Variants in BCL7C observed in about 807,000 individuals in gnomAD.
The protein encoded by BCL7C is B-cell CLL/lymphoma 7 protein family member C.
In BCL7C, 8 loss-of-function variants were observed where a neutral mutation model predicts 26.2. The ratio of observed to expected loss-of-function variants is 0.30; its 90% CI spans 0.18 to 0.55. The LOEUF (loss-of-function observed/expected upper bound fraction) is 0.55. BCL7C is among the 20% of genes least tolerant of loss of function. The pLI, the probability that BCL7C is intolerant of heterozygous loss-of-function variation, is 0.93. For missense variants in BCL7C, 262 were observed against 298.5 expected, an observed-to-expected ratio of 0.88 and a Z score of 0.90; for synonymous variants, 90 against 116.5, an observed-to-expected ratio of 0.77 and a Z score of 1.47.
chr16:30,865,687 C>T (rs2054818906), intron 5 of BCL7C, among the ~76,000 whole-genome samples: 1 of 151,348 alleles, frequency 6.6e-6, no homozygotes, highest in South Asian at 2.1e-4. Flanking sequence ...ATCTGTATTT[C>T]CTGACATTTT....
intron 5 of BCL7C, among the ~76,000 whole-genome samples, chr16:30,874,786 A>T: frequency 6.6e-6 from 1 of 152,160 alleles, no homozygotes; most frequent in East Asian, 1.9e-4. Flanking sequence ...AAATCACCCC[A>T]GACTGTTTTT....
chr16:30,848,219 G>A (rs900098380), intron 5 of BCL7C, among the ~76,000 whole-genome samples: 18 of 152,292 alleles, frequency 1.2e-4, no homozygotes, highest in Admixed American at 1.0e-3. Context: ...GATAGACTGC[G>A]TTTATCATGT....
At chr16:30,836,201 C>A (rs142595527) in intron 5 of BCL7C, among the ~76,000 whole-genome samples, 1 of 152,288 alleles carries the variant, frequency 6.6e-6, no homozygotes, top group African/African-American at 2.4e-5. Context: ...TTTTAGTGAA[C>A]CAAGATCGCA....
At chr16:30,841,302 G>A (rs2054600391) in intron 5 of BCL7C, among the ~76,000 whole-genome samples, 1 of 152,156 alleles carries the variant, frequency 6.6e-6, no homozygotes, top group Admixed American at 6.5e-5. Context: ...ACCTCAGAAT[G>A]TGACTGTATT....
rs1018043981 is a variant in BCL7C at position 30,834,760 on chromosome 16, G to A, written c.*188C>T. On this transcript the variant is annotated 3_prime_UTR_variant, in exon 6 of 6. Coordinates refer to the BCL7C transcript ENST00000380317. This position sits in a 1 kb window ranked among gnomAD's most constrained non-coding sequence, Gnocchi z 4.3. ...TGCCCTAAGCCCTTCCCATGCATTC[G>A]GGCGCCAGTGGCGAGCCAGATGGGT... The A allele has an allele frequency of 2.7e-5, 15 of 563,002 alleles. No homozygotes were observed. In the East Asian group the frequency reaches 3.1e-4, roughly 12 times the overall value. The allele number at this position is 563,002 out of a possible 1,614,324, so 34.9% of individuals were successfully genotyped here. A position where few individuals can be genotyped will look rare whatever the true frequency, so the allele number is the denominator to read the frequency against.
chr16:30,868,711 G>A (rs1699801495), intron 5 of BCL7C, among the ~76,000 whole-genome samples: 1 of 151,848 alleles, frequency 6.6e-6, no homozygotes, highest in South Asian at 2.1e-4. Flanking sequence ...CTTGATCCTG[G>A]GAGGTGGAGG....
intron 5 of BCL7C, among the ~76,000 whole-genome samples, chr16:30,879,886 A>G (rs1181086085): frequency 6.6e-6 from 1 of 151,596 alleles, no homozygotes; most frequent in Non-Finnish European, 1.5e-5. Context: ...GCTACTTGGG[A>G]GGCTGAGGCA....
intron 5 of BCL7C, among the ~76,000 whole-genome samples, chr16:30,861,638 C>A (rs2054773617): frequency 6.6e-6 from 1 of 152,174 alleles, no homozygotes; most frequent in African/African-American, 2.4e-5. Context: ...AAGACTGATG[C>A]TGCCTGATTG....
At chr16:30,848,694 A>G (rs925272504) in intron 5 of BCL7C, among the ~76,000 whole-genome samples, 1 of 151,938 alleles carries the variant, frequency 6.6e-6, no homozygotes, top group Non-Finnish European at 1.5e-5. Flanking sequence ...GTTCAAGACC[A>G]GCCTGGCCAA....
At chr16:30,864,090 C>T (rs747372535) in intron 5 of BCL7C, among the ~76,000 whole-genome samples, 1 of 152,188 alleles carries the variant, frequency 6.6e-6, no homozygotes, top group East Asian at 1.9e-4. Flanking sequence ...CAAATAATTG[C>T]TGGTTTTGCA....
intron 5 of BCL7C, among the ~76,000 whole-genome samples, chr16:30,877,913 G>A (rs2054975124): frequency 6.6e-6 from 1 of 151,540 alleles, no homozygotes; most frequent in Non-Finnish European, 1.5e-5. Context: ...AGTGGCTGAT[G>A]CCTGTAATCT....
Position 30,893,839 on chromosome 16 carries a change from C to G in BCL7C, c.92+14G>C, listed in dbSNP as rs758090967. The G allele has an allele frequency of 6.3e-7, 1 of 1,597,110 alleles. No homozygotes were observed. Among genetic ancestry groups the G allele is most frequent in the Non-Finnish European group, 8.5e-7 (1 of 1,176,804 alleles). On this transcript the variant is annotated intron_variant, in intron 1 of 5. Coordinates refer to ENST00000215115, the MANE Select transcript of BCL7C (RefSeq NM_004765.4). This position sits in a 1 kb window ranked among gnomAD's most constrained non-coding sequence, Gnocchi z 5.2. ...CCCGCTGTGTCCCGTCCCTGGCCCC[C>G]GAGCAGCGCTCACCATCTCCGGACC... is the stretch of plus-strand genomic sequence containing the variant.
rs192481296 is a variant in BCL7C at position 30,835,482 on chromosome 16, T to C, written c.529-334A>G. Among the ~76,000 whole-genome samples, 230 of 152,302 alleles carry C rather than the reference T, an allele frequency of 1.5e-3. 2 individuals are homozygous for C. The highest frequency in any genetic ancestry group is 5.4e-3 in the African/African-American group (223 of 41,580). On this transcript the variant is annotated intron_variant, in intron 5 of 5. Transcript: ENST00000380317. ...AGGCAGCCTCAAATGATTCTGTCAGTGTGGTTGGTGCATCCACAGGCCATC... is the reference window on the plus strand; with the variant it reads ...AGGCAGCCTCAAATGATTCTGTCAGCGTGGTTGGTGCATCCACAGGCCATC...
chr16:30,861,455 G>C (rs1296005967), intron 5 of BCL7C, among the ~76,000 whole-genome samples: 3 of 152,148 alleles, frequency 2.0e-5, no homozygotes, highest in African/African-American at 7.2e-5. Flanking sequence ...CTGGCCACTG[G>C]GCCAAGGAAT....
chr16:30,893,927 T>C lies in BCL7C; in HGVS notation c.18A>G (p.Val6=), dbSNP rs1312966935. The change falls in exon 1 of 6, where the codon GTA becomes GTG. Residue 6 remains valine (V), a synonymous_variant. Coordinates refer to ENST00000215115, the MANE Select transcript of BCL7C (RefSeq NM_004765.4). The surrounding 1 kb of genome is among the most constrained non-coding windows in gnomAD (Gnocchi z 5.2). ...TGGCCCGGCTCCGGGTCTCGGCCCG[T>C]ACAGTCCGGCCGGCCATGCTGGCGG... MAGRT[V]RAETRSRAKD... is the part of the protein sequence containing the mutation. The C allele has an allele frequency of 6.3e-7, 1 of 1,585,306 alleles. No individual in the cohort carries two copies.
rs540882301 is a variant in BCL7C, at chr16:30,879,148, C to T, written c.528+9712G>A. On this transcript the variant is annotated intron_variant, in intron 5 of 5. Transcript: ENST00000380317. ...CCCAGTTTGCTCAAGACTGGGGTGT[C>T]TCCTGGGACATGGAACCTGCAGTGC... Among the ~76,000 whole-genome samples, 27 of 152,296 alleles carry T rather than the reference C, an allele frequency of 1.8e-4. No individual in the cohort carries two copies. The South Asian group carries it at 5.6e-3, about 32-fold the overall frequency.
intron 5 of BCL7C, among the ~76,000 whole-genome samples, chr16:30,835,612 G>A (rs1270791028): frequency 1.3e-5 from 2 of 152,062 alleles, no homozygotes; most frequent in East Asian, 1.9e-4. Context: ...TTGGGAGGCC[G>A]AGGTGGGTGG....
chr16:30,865,071 G>A (rs1006658037), intron 5 of BCL7C, among the ~76,000 whole-genome samples: 33 of 151,310 alleles, frequency 2.2e-4, no homozygotes, highest in Admixed American at 1.4e-3. Flanking sequence ...GGGAGGCTGA[G>A]GCAGGAGAAT....
chr16:30,877,892 T>A (rs1286231182), intron 5 of BCL7C, among the ~76,000 whole-genome samples: 4 of 149,516 alleles, frequency 2.7e-5, no homozygotes, highest in African/African-American at 9.8e-5. Flanking sequence ...CCAGGGCCCT[T>A]GGCCGGGCGC....
Sources: gnomAD v4.1 joint callset for allele counts (sites outside exome capture counted in the v4.1 genomes callset) on GRCh38, gnomAD v4.1.1 for gene constraint, Gnocchi (gnomAD v3.1) non-coding constraint, MANE v1.5 for transcripts, NCBI Gene and HGNC (gene_info 2026-07-23, HGNC 2026-07-21) for gene names.